The following LRFN2 variants were observed in gnomAD, a reference collection of about 807,000 sequenced individuals.
LRFN2 encodes the protein leucine-rich repeat and fibronectin type-III domain-containing protein 2.
Under a neutral mutation model 37.3 loss-of-function variants are expected in LRFN2, and 18 were observed. That is an observed-to-expected ratio of 0.48 (90% confidence interval 0.33 to 0.72). The LOEUF is 0.72. LRFN2 is among the 30% of genes least tolerant of loss of function. LRFN2 has a pLI of 0.02. For synonymous variants in LRFN2, 556 were observed against 466.6 expected (o/e 1.19, Z -2.47); for missense variants, 1,006 against 1,060.7 (o/e 0.95, Z 0.72).
In LRFN2 at chr6:40,391,828, A is replaced by T; in HGVS notation, c.*115T>A. On this transcript the variant is annotated 3_prime_UTR_variant, in exon 3 of 3. Coordinates refer to ENST00000338305, the MANE Select transcript of LRFN2 (RefSeq NM_020737.3). ...GGGACACGAGGCCATTGACAGGGAG[A>T]CGAAACTGTCCCTGGATGTAAACAT... is the stretch of plus-strand genomic sequence containing the variant. 8.8e-7 allele frequency: 1 copy of T among 1,135,356 alleles called. No homozygotes were observed. The highest frequency in any genetic ancestry group is 1.2e-6 in the Non-Finnish European group (1 of 833,378). 70.3% of individuals were successfully genotyped at this position (1,135,356 alleles called of 1,614,324 possible). A position where few individuals can be genotyped will look rare whatever the true frequency, so the allele number is the denominator to read the frequency against.
intron 1 of LRFN2, among the ~76,000 whole-genome samples, chr6:40,454,567 T>C (rs1435199455): frequency 1.3e-5 from 2 of 152,152 alleles, no homozygotes; most frequent in East Asian, 1.9e-4. Flanking sequence ...TCATTTGTGA[T>C]TGGCCATCTC....
intron 1 of LRFN2, chr6:40,516,552 A>T (rs1765881735): frequency 6.6e-6 from 1 of 152,174 alleles, no homozygotes; most frequent in Admixed American, 6.5e-5. Context: ...TTTAATTTGC[A>T]GGAATCTCTA....
At chr6:40,564,132 A>G (rs577972936) in intron 1 of LRFN2, among the ~76,000 whole-genome samples, 1 of 152,316 alleles carries the variant, frequency 6.6e-6, no homozygotes, top group East Asian at 1.9e-4. Context: ...GGAAGAACCT[A>G]GGGTTCCAAT....
chr6:40,422,847 T>C (rs2113815815), intron 2 of LRFN2, among the ~76,000 whole-genome samples: 1 of 152,328 alleles, frequency 6.6e-6, no homozygotes, highest in Non-Finnish European at 1.5e-5. Flanking sequence ...TGTTATCTCT[T>C]ACTGGAGGGG....
At chr6:40,435,731 G>C (rs546448685) in intron 1 of LRFN2, among the ~76,000 whole-genome samples, 3 of 152,114 alleles carry the variant, frequency 2.0e-5, no homozygotes, top group South Asian at 2.1e-4. Context: ...GTAGAGACAG[G>C]GTTTCACTGT....
At chr6:40,439,762 C>T (rs1158456114) in intron 1 of LRFN2, among the ~76,000 whole-genome samples, 2 of 152,194 alleles carry the variant, frequency 1.3e-5, no homozygotes, top group South Asian at 4.1e-4. Context: ...TGAGAAGAGG[C>T]AGCAGAAGCA....
At chr6:40,449,794 A>AT (rs1349905387) in intron 1 of LRFN2, among the ~76,000 whole-genome samples, 3 of 152,182 alleles carry the variant, frequency 2.0e-5, no homozygotes, top group African/African-American at 7.2e-5. Flanking sequence ...CATTGGTAAC[A>AT]TATTACCTAG....
chr6:40,518,694 G>A (rs879408153), intron 1 of LRFN2, among the ~76,000 whole-genome samples: 2 of 152,124 alleles, frequency 1.3e-5, no homozygotes, highest in African/African-American at 2.4e-5. Flanking sequence ...GATACACTTA[G>A]TCATCCATTC....
intron 1 of LRFN2, among the ~76,000 whole-genome samples, chr6:40,583,201 C>T (rs76746956): frequency 7.1e-6 from 1 of 141,310 alleles, no homozygotes; most frequent in South Asian, 2.2e-4. Context: ...TATATATAGA[C>T]ATATATATAC....
At chr6:40,448,646 G>A (rs928347204) in intron 1 of LRFN2, among the ~76,000 whole-genome samples, 2 of 152,290 alleles carry the variant, frequency 1.3e-5, no homozygotes, top group East Asian at 1.9e-4. Flanking sequence ...GGACCGAATC[G>A]CTAATGAATT....
chr6:40,559,203 A>T (rs572583394), intron 1 of LRFN2, among the ~76,000 whole-genome samples: 4 of 152,190 alleles, frequency 2.6e-5, no homozygotes, highest in African/African-American at 9.6e-5. Flanking sequence ...AGTGGGCCTG[A>T]TGGGGAGGGG....
intron 1 of LRFN2, among the ~76,000 whole-genome samples, chr6:40,581,823 G>C (rs534516744): frequency 6.6e-6 from 1 of 152,244 alleles, no homozygotes; most frequent in African/African-American, 2.4e-5. Context: ...CCTGCAGGCT[G>C]AGTGGCCACA....
rs1349434448 is a variant in LRFN2 at position 40,585,971 on chromosome 6, G to GTGTCTGTCCGTCTGCAGC, written c.-19+952_-19+969dup. Among the ~76,000 whole-genome samples, 9 of 152,262 alleles carry GTGTCTGTCCGTCTGCAGC rather than the reference G, an allele frequency of 5.9e-5. 1 individual carries two copies. In the East Asian group the frequency reaches 1.5e-3, roughly 26 times the overall value. On this transcript the variant is annotated intron_variant, in intron 1 of 2. Coordinates refer to ENST00000338305, the MANE Select transcript of LRFN2 (RefSeq NM_020737.3). ...TCTGACATGTTCCCTGTCCCTGCAGGTGTCTGTCCGTCTGCAGCTGTCTGC... is the reference window on the plus strand; with the variant it reads ...TCTGACATGTTCCCTGTCCCTGCAGGTGTCTGTCCGTCTGCAGCTGTCTGTCCGTCTGCAGCTGTCTGC...
intron 2 of LRFN2, among the ~76,000 whole-genome samples, chr6:40,405,626 G>A (rs553204893): frequency 6.6e-6 from 1 of 152,290 alleles, no homozygotes; most frequent in South Asian, 2.1e-4. Context: ...CAAACCTCAT[G>A]CAGGCTAGAA....
At chr6:40,573,625 G>A (rs1767225316) in intron 1 of LRFN2, among the ~76,000 whole-genome samples, 1 of 152,208 alleles carries the variant, frequency 6.6e-6, no homozygotes, top group African/African-American at 2.4e-5. Context: ...CATTTGCTCT[G>A]TGACCTGGGT....
At chr6:40,469,213 C>CAGAAACT (rs1299207742) in intron 1 of LRFN2, among the ~76,000 whole-genome samples, 10 of 152,136 alleles carry the variant, frequency 6.6e-5, no homozygotes, top group African/African-American at 2.4e-4. Context: ...CCGGAGTCAT[C>CAGAAACT]AGAAACTAGA....
chr6:40,408,636 C>T (rs1762897582), intron 2 of LRFN2, among the ~76,000 whole-genome samples: 1 of 152,140 alleles, frequency 6.6e-6, no homozygotes, highest in African/African-American at 2.4e-5. Context: ...GCTGCGTGAC[C>T]CTAGGCAGAT....
chr6:40,438,382 G>T (rs967488547), intron 1 of LRFN2, among the ~76,000 whole-genome samples: 1 of 152,172 alleles, frequency 6.6e-6, no homozygotes, highest in Admixed American at 6.5e-5. Context: ...AGGTGTTCCT[G>T]CTGGCCACTG....
rs1764510247 is a variant in LRFN2, at chr6:40,468,005, G to A, written c.-18-34874C>T. 3.3e-5 allele frequency among the ~76,000 whole-genome samples: 5 copies of A among 152,162 alleles called. No homozygotes were observed. The South Asian group carries it at 1.0e-3, about 32-fold the overall frequency. On this transcript the variant is annotated intron_variant, in intron 1 of 2. Transcript: ENST00000338305. ...ATATCTGACAGGACATACTCATCCA[G>A]CTCCAGTCCCTGCTCATGACCTTCC...
Sources: gnomAD v4.1 joint callset for allele counts (sites outside exome capture counted in the v4.1 genomes callset) on GRCh38, gnomAD v4.1.1 for gene constraint, MANE v1.5 for transcripts, NCBI Gene and HGNC (gene_info 2026-07-23, HGNC 2026-07-21) for gene names.